TGS1: variants seen among roughly 807,000 people sequenced by gnomAD.
TGS1 encodes the protein trimethylguanosine synthase 1, also known as trimethylguanosine synthase.
Under a neutral mutation model 92.2 loss-of-function variants are expected in TGS1, and 69 were observed. The observed-to-expected ratio is 0.75, with a 90% CI of 0.62 to 0.91. The LOEUF (loss-of-function observed/expected upper bound fraction) is 0.91. Ranked by LOEUF, TGS1 falls within the 40% of genes least tolerant of loss-of-function variation. The pLI is 0.00. For synonymous variants in TGS1, 345 were observed against 338.1 expected (o/e 1.02, Z -0.22); for missense variants, 1,062 against 1,001.2 (o/e 1.06, Z -0.82).
chr8:55,819,768 A>G (rs1803582446), intron 12 of TGS1, among the ~76,000 whole-genome samples: 1 of 152,216 alleles, frequency 6.6e-6, no homozygotes, highest in Non-Finnish European at 1.5e-5. Flanking sequence ...TCTGCTGACT[A>G]AAAAATATTT....
Position 55,786,219 on chromosome 8 carries a change from A to T in TGS1, c.340-19A>T, listed in dbSNP as rs1344292639. The T allele has an allele frequency of 2.5e-6, 3 of 1,188,624 alleles. No homozygotes were observed. Among genetic ancestry groups the T allele is most frequent in the Non-Finnish European group, 2.3e-6 (2 of 858,562 alleles). The allele number at this position is 1,188,624 out of a possible 1,614,324, so 73.6% of individuals were successfully genotyped here. On this transcript the variant is annotated intron_variant, in intron 3 of 12. Transcript: ENST00000260129. ...GTTCATAAAGTGCATTTTATATTCAAGTTATTTATCTGATATAGGTATCTA... is the reference window on the plus strand; with the variant it reads ...GTTCATAAAGTGCATTTTATATTCATGTTATTTATCTGATATAGGTATCTA...
intron 8 of TGS1, among the ~76,000 whole-genome samples, chr8:55,800,527 T>G (rs184607912): frequency 6.6e-6 from 1 of 152,350 alleles, no homozygotes; most frequent in East Asian, 1.9e-4. Flanking sequence ...TGATGCTGGT[T>G]ATTTTTACCT....
rs575469108 is a variant in TGS1, at chr8:55,813,630, A to G, written c.2439+512A>G. On this transcript the variant is annotated intron_variant, in intron 12 of 12. Transcript: ENST00000260129. The stretch of plus-strand genomic sequence containing the variant: ...GTTTTTCCTTTCTCTCTTATTTGAT[A>G]CTATCAGAACTAGCCCTAGTATTCT... Among the ~76,000 whole-genome samples, 10 of 152,300 alleles carry G rather than the reference A, an allele frequency of 6.6e-5. No homozygotes were observed. In the South Asian group the frequency reaches 2.1e-3, roughly 32 times the overall value.
At chr8:55,784,437 C>T (rs1230184282) in intron 2 of TGS1, among the ~76,000 whole-genome samples, 1 of 152,102 alleles carries the variant, frequency 6.6e-6, no homozygotes, top group Non-Finnish European at 1.5e-5. Flanking sequence ...TCACCTCAGC[C>T]TCCCAAGTAG....
In TGS1 at chr8:55,825,149, T is replaced by C. The variant is rs1225448896; in HGVS notation, c.*446T>C. The stretch of plus-strand genomic sequence containing the variant: ...GTTGCCCAGGCTGGTGTCAAACTCC[T>C]GGGCTCAGTCAGTCCCCCCATCTCA... On this transcript the variant is annotated 3_prime_UTR_variant, in exon 13 of 13. Coordinates refer to ENST00000260129, the MANE Select transcript of TGS1 (RefSeq NM_024831.8). The C allele has an allele frequency of 6.5e-6, 1 of 154,320 alleles. No homozygotes were observed. The highest frequency in any genetic ancestry group is 2.4e-5 in the African/African-American group (1 of 41,458). 9.6% of individuals were successfully genotyped at this position (154,320 alleles called of 1,614,324 possible).
chr8:55,806,765 A>G (rs547360088), intron 10 of TGS1, among the ~76,000 whole-genome samples: 1 of 152,352 alleles, frequency 6.6e-6, no homozygotes, highest in Admixed American at 6.5e-5. Flanking sequence ...CTTGCCCAAG[A>G]TTATACTGGC....
At chr8:55,795,171 G>A (rs1197752926) in intron 6 of TGS1, among the ~76,000 whole-genome samples, 1 of 152,088 alleles carries the variant, frequency 6.6e-6, no homozygotes, top group Non-Finnish European at 1.5e-5. Context: ...GGAATCCTTG[G>A]GTAGATTTTG....
intron 12 of TGS1, among the ~76,000 whole-genome samples, chr8:55,816,337 C>T (rs1803476078): frequency 6.6e-6 from 1 of 152,172 alleles, no homozygotes; most frequent in African/African-American, 2.4e-5. Context: ...AAGATGCAGG[C>T]AGCAATTATC....
At chr8:55,787,234 A>G (rs1028692409) in intron 4 of TGS1, among the ~76,000 whole-genome samples, 174 bp downstream of exon 4, 6 of 148,256 alleles carry the variant, frequency 4.0e-5, no homozygotes, top group Non-Finnish European at 8.8e-5. Flanking sequence ...TTTTCTATTA[A>G]TAAGAATATT....
Position 55,786,303 on chromosome 8 carries a change from T to C in TGS1, c.405T>C (p.Asp135=). Residue 135 remains aspartate, a synonymous_variant, in exon 4 of 13, where the codon GAT becomes GAC. Transcript: ENST00000260129. ...AAAAACATCAAAAGAAATACTTAGA[T>C]GAAATTGTGCAAGAATCTTGGAGAA... ...KKKKHQKKYL[D]EIVQESWRKE... 3 of 1,581,620 alleles carry C rather than the reference T, an allele frequency of 1.9e-6. No homozygotes were observed. Among genetic ancestry groups the C allele is most frequent in the Non-Finnish European group, 2.6e-6 (3 of 1,161,496 alleles).
intron 11 of TGS1, among the ~76,000 whole-genome samples, chr8:55,811,807 T>TA (rs1803348116): frequency 6.6e-6 from 1 of 152,130 alleles, no homozygotes; most frequent in Non-Finnish European, 1.5e-5. Flanking sequence ...GAGTATTACC[T>TA]AACAGCATTT....
chr8:55,803,646 T>TTTTA (rs757844347), intron 9 of TGS1, among the ~76,000 whole-genome samples: 2 of 151,850 alleles, frequency 1.3e-5, no homozygotes, highest in Non-Finnish European at 2.9e-5. Context: ...CGCACATTAT[T>TTTTA]TTTATTTATT....
Position 55,790,093 on chromosome 8 carries a change from G to T in TGS1, c.1163-89G>T, listed in dbSNP as rs1262911429. ...ACATGTACAGTTCATTGTAGAAAAGGTGCTAAAATATTTTCATTGGCTTTG... is the reference window on the plus strand; with the variant it reads ...ACATGTACAGTTCATTGTAGAAAAGTTGCTAAAATATTTTCATTGGCTTTG... On this transcript the variant is annotated intron_variant, in intron 4 of 12. Coordinates refer to ENST00000260129, the MANE Select transcript of TGS1 (RefSeq NM_024831.8). The T allele has an allele frequency of 6.8e-6, 6 of 887,222 alleles. No homozygotes were observed. The Admixed American group carries it at 1.1e-4, about 16-fold the overall frequency. 55.0% of individuals were successfully genotyped at this position (887,222 alleles called of 1,614,324 possible). A position where few individuals can be genotyped will look rare whatever the true frequency, so the allele number is the denominator to read the frequency against.
intron 2 of TGS1, among the ~76,000 whole-genome samples, chr8:55,784,573 A>G (rs993661970): frequency 5.9e-5 from 9 of 152,098 alleles, no homozygotes; most frequent in Admixed American, 2.6e-4. Flanking sequence ...CAGCCTCTCA[A>G]AATGCTGGGA....
At position 55,786,890 on chromosome 8, in the gene TGS1, T is replaced by G; in HGVS notation, c.992T>G (p.Val331Gly). Reference protein sequence around the residue: ...ISNIKLNSEEVTQSQLDSCTS... With the variant: ...ISNIKLNSEEGTQSQLDSCTS... ...AACATAAAACTGAATTCAGAGGAAG[T>G]AACACAGAGCCAATTAGATTCCTGT... The change falls in exon 4 of 13, where the codon GTA becomes GGA. Residue 331 changes from valine to glycine, a missense_variant. Coordinates refer to ENST00000260129, the MANE Select transcript of TGS1 (RefSeq NM_024831.8). 2 of 1,614,114 alleles carry G rather than the reference T, an allele frequency of 1.2e-6. No individual in the cohort carries two copies. The highest frequency in any genetic ancestry group is 1.7e-6 in the Non-Finnish European group (2 of 1,179,996).
intron 10 of TGS1, 33 bp from the exon 11 acceptor site, chr8:55,810,848 A>G (rs767860174): frequency 6.5e-7 from 1 of 1,527,914 alleles, no homozygotes; most frequent in Non-Finnish European, 9.1e-7. Context: ...AATCAGTGTC[A>G]ATTAACTCAT....
At chr8:55,798,808 A>C in intron 7 of TGS1, 106 bp from the exon 8 acceptor site, 1 of 910,584 alleles carries the variant, frequency 1.1e-6, no homozygotes, top group Non-Finnish European at 1.6e-6. Flanking sequence ...TTCAGAGCCA[A>C]TAATTTTGAC....
At chr8:55,799,277 A>T (rs879826266) in intron 8 of TGS1, 57 bp downstream of exon 8, 15 of 1,482,394 alleles carry the variant, frequency 1.0e-5, no homozygotes, top group Non-Finnish European at 1.3e-5. Flanking sequence ...TTTTTTGTTA[A>T]TATGTTTTTT....
chr8:55,786,269 TAAAA>T lies in TGS1; in HGVS notation c.374_377del (p.Lys125ArgfsTer9), dbSNP rs1216779869. The T allele has an allele frequency of 6.7e-7, 1 of 1,492,330 alleles. No individual in the cohort carries two copies. The highest frequency in any genetic ancestry group is 9.1e-7 in the Non-Finnish European group (1 of 1,103,414). The allele number at this position is 1,492,330 out of a possible 1,614,324, so 92.4% of individuals were successfully genotyped here. On this transcript the variant is annotated frameshift_variant, in exon 4 of 13. Coordinates refer to ENST00000260129, the MANE Select transcript of TGS1 (RefSeq NM_024831.8). LOFTEE classifies it high-confidence loss of function. Reference sequence around the variant, plus strand: ...ATGAATACTAGAAATAAAGTTAAAATAAAAAAGAAAAAACATCAAAAGAAATACT... The same window carrying T: ...ATGAATACTAGAAATAAAGTTAAAATAAGAAAAAACATCAAAAGAAATACT...
Sources: gnomAD v4.1 joint callset for allele counts (sites outside exome capture counted in the v4.1 genomes callset) on GRCh38, gnomAD v4.1.1 for gene constraint, MANE v1.5 for transcripts, NCBI Gene and HGNC (gene_info 2026-07-23, HGNC 2026-07-21) for gene names.